The following SEM1 variants were observed in gnomAD, a reference collection of about 807,000 sequenced individuals.
SEM1 encodes the protein SEM1 26S proteasome subunit.
Under a neutral mutation model 12.7 loss-of-function variants are expected in SEM1, and 3 were observed. The observed-to-expected ratio is 0.24, with a 90% CI of 0.11 to 0.61. The LOEUF is 0.61. SEM1 is among the 20% of genes least tolerant of loss of function. The probability of loss-of-function intolerance (pLI) is 0.88; values close to 1 mark genes in which losing one functional copy is unlikely to be tolerated. For missense variants in SEM1, 59 were observed against 81.3 expected (o/e 0.73, Z 1.06); for synonymous variants, 30 against 27.8 (o/e 1.08, Z -0.25).
chr7:96,622,832 C>A (rs981009577), intron 2 of SEM1: 3 of 548,526 alleles, frequency 5.5e-6, no homozygotes, highest in Non-Finnish European at 9.7e-6. Context: ...GGAAAACTTA[C>A]ATAAATACAG....
At chr7:96,627,568 G>A (rs771557520) in intron 2 of SEM1, among the ~76,000 whole-genome samples, 4 of 152,004 alleles carry the variant, frequency 2.6e-5, no homozygotes, top group South Asian at 2.1e-4. Context: ...CCACGTACTC[G>A]TATGGTTTCC....
chr7:96,687,498 T>C (rs1267504282), downstream of SEM1, among the ~76,000 whole-genome samples: 4 of 151,766 alleles, frequency 2.6e-5, no homozygotes, highest in African/African-American at 4.8e-5. Context: ...ATGGATGAAA[T>C]TGGAAATCAT....
intron 2 of SEM1, among the ~76,000 whole-genome samples, chr7:96,666,502 AG>A (rs1324485887): frequency 5.9e-5 from 9 of 152,306 alleles, no homozygotes; most frequent in African/African-American, 2.2e-4. Context: ...AGCTCATAGC[AG>A]GTACTCAATA....
intron 2 of SEM1, among the ~76,000 whole-genome samples, chr7:96,522,733 A>C (rs28740817): frequency 0.047 from 1,929 of 41,318 alleles, 52 homozygotes; most frequent in African/African-American, 0.11. Flanking sequence ...CCCCCCCCCC[A>C]AAAAAAAATT....
At chr7:96,517,006 T>C (rs1339538919) in intron 2 of SEM1, among the ~76,000 whole-genome samples, 5 of 152,114 alleles carry the variant, frequency 3.3e-5, no homozygotes, top group African/African-American at 1.2e-4. Context: ...CAACTATATA[T>C]GACATTCTTG....
At position 96,611,088 on chromosome 7, in the gene SEM1, A is replaced by G. The variant is rs116669892; in HGVS notation, c.170+83710T>C. Among the ~76,000 whole-genome samples, 623 of 152,190 alleles carry G rather than the reference A, an allele frequency of 4.1e-3. 4 individuals are homozygous for G. The highest frequency in any genetic ancestry group is 0.014 in the African/African-American group (598 of 41,524). ...AACACCCAGACAAGCTTTGTTACAA[A>G]CCATCATATCTCCCATATATTCTTC... On this transcript the variant is annotated intron_variant and NMD_transcript_variant, in intron 2 of 3. Coordinates refer to the SEM1 transcript ENST00000466986.
intron 1 of SEM1, chr7:96,697,207 G>C (rs1790124540): frequency 6.6e-6 from 1 of 150,770 alleles, no homozygotes. Flanking sequence ...TAAAAAGTCA[G>C]AATTGGAAAT....
chr7:96,693,012 T>C (rs1255843891), intron 2 of SEM1, among the ~76,000 whole-genome samples: 1 of 151,944 alleles, frequency 6.6e-6, no homozygotes, highest in Admixed American at 6.6e-5. Context: ...AGGTAAATTA[T>C]ACTATTTCTA....
intron 1 of SEM1, among the ~76,000 whole-genome samples, chr7:96,487,785 G>A (rs1368424125): frequency 6.7e-6 from 1 of 150,158 alleles, no homozygotes; most frequent in Non-Finnish European, 1.5e-5. Context: ...ATAATCAGGA[G>A]AGTTGTTAAC....
At chr7:96,618,668 C>A (rs987356603), downstream of SEM1, among the ~76,000 whole-genome samples, 8 of 152,030 alleles carry the variant, frequency 5.3e-5, no homozygotes, top group African/African-American at 1.4e-4. Flanking sequence ...TTGGTCCAGT[C>A]TGTTATTGAA....
At chr7:96,699,215 A>G (rs1214058896) in intron 1 of SEM1, among the ~76,000 whole-genome samples, 1 of 152,154 alleles carries the variant, frequency 6.6e-6, no homozygotes, top group African/African-American at 2.4e-5. Flanking sequence ...CTAGTTGCTA[A>G]TGCTTCATCA....
intron 2 of SEM1, among the ~76,000 whole-genome samples, chr7:96,510,838 T>C (rs1021552728): frequency 6.6e-6 from 1 of 152,156 alleles, no homozygotes; most frequent in Non-Finnish European, 1.5e-5. Context: ...GCTGCAGCTA[T>C]ATGCATCTCT....
intron 2 of SEM1, among the ~76,000 whole-genome samples, chr7:96,549,193 A>G (rs1162794336): frequency 6.6e-6 from 1 of 152,202 alleles, no homozygotes; most frequent in Non-Finnish European, 1.5e-5. Context: ...GAGGGTTGGT[A>G]GAGTGACCAA....
At chr7:96,521,536 G>A (rs1804269911) in intron 2 of SEM1, among the ~76,000 whole-genome samples, 1 of 152,044 alleles carries the variant, frequency 6.6e-6, no homozygotes, top group Admixed American at 6.6e-5. Flanking sequence ...TCAAGTTCAC[G>A]ACTAATAAGA....
At chr7:96,553,611 T>C (rs2115859333) in intron 2 of SEM1, among the ~76,000 whole-genome samples, 1 of 152,332 alleles carries the variant, frequency 6.6e-6, no homozygotes, top group Admixed American at 6.5e-5. Flanking sequence ...TGTAGTATAG[T>C]TTGAAGTCGG....
chr7:96,628,802 C>G (rs1283701393), intron 2 of SEM1, among the ~76,000 whole-genome samples: 2 of 152,174 alleles, frequency 1.3e-5, no homozygotes, highest in African/African-American at 4.8e-5. Context: ...GAAGTACTCC[C>G]TTTAGCATTT....
intron 1 of SEM1, among the ~76,000 whole-genome samples, chr7:96,698,682 C>T (rs1394727040): frequency 3.9e-5 from 6 of 152,060 alleles, no homozygotes; most frequent in Non-Finnish European, 7.4e-5. Flanking sequence ...CCATTGGGAT[C>T]GGTTCCAAGT....
At chr7:96,546,271 G>A (rs1261147525) in intron 2 of SEM1, among the ~76,000 whole-genome samples, 1 of 152,058 alleles carries the variant, frequency 6.6e-6, no homozygotes, top group Non-Finnish European at 1.5e-5. Context: ...CACCATCGGA[G>A]GGGAAGAAAA....
intron 2 of SEM1, among the ~76,000 whole-genome samples, chr7:96,638,610 CAT>C (rs1340193696): frequency 6.6e-6 from 1 of 151,808 alleles, no homozygotes; most frequent in Admixed American, 6.6e-5. Flanking sequence ...TAATTACAAT[CAT>C]ATTTTATACA....
Sources: allele counts gnomAD v4.1 joint callset (sites outside exome capture counted in the v4.1 genomes callset), GRCh38; gene constraint gnomAD v4.1.1; transcripts MANE v1.5; gene names NCBI Gene and HGNC (gene_info 2026-07-23, HGNC 2026-07-21).